The following CD109 variants were observed in gnomAD, a reference collection of about 807,000 sequenced individuals.
CD109 encodes CD109 antigen.
In CD109, 149 loss-of-function variants were observed where a neutral mutation model predicts 165.8. The ratio of observed to expected loss-of-function variants is 0.90; its 90% confidence interval spans 0.79 to 1.03. The LOEUF is 1.03. Among genes scored for constraint, CD109 ranks in the 50% least tolerant of loss-of-function variants. The pLI is 0.00. For synonymous variants in CD109, 585 were observed against 592.1 expected (o/e 0.99, Z 0.18); for missense variants, 1,712 against 1,677.8 (o/e 1.02, Z -0.36).
chr6:73,685,954 T>C, the CD109 span, among the ~76,000 whole-genome samples: 9 of 152,234 alleles, frequency 5.9e-5, no homozygotes, highest in Non-Finnish European at 1.2e-4. Flanking sequence ...CTTGTAGTAC[T>C]ATATGGAGTG....
At chr6:73,685,115 G>C in the CD109 span, among the ~76,000 whole-genome samples, 1 of 151,362 alleles carries the variant, frequency 6.6e-6, no homozygotes, top group Non-Finnish European at 1.5e-5. Context: ...TGTTGGCCAG[G>C]ATGGTCTTGA....
chr6:73,736,420 A>C lies in CD109; in HGVS notation c.545A>C (p.Gln182Pro), dbSNP rs1401125715. The C allele has an allele frequency of 3.7e-6, 6 of 1,613,978 alleles. No individual in the cohort carries two copies. Among genetic ancestry groups the C allele is most frequent in the Non-Finnish European group, 5.1e-6 (6 of 1,179,916 alleles). The change falls in exon 5 of 33, where the codon CAA becomes CCA. Residue 182 changes from glutamine to proline, a missense_variant. By Grantham distance (76) the Gln-to-Pro change is moderately conservative. Transcript: ENST00000287097. ...KSNLIQQWLS[Q>P]QSDLGVISKT... The stretch of plus-strand genomic sequence containing the variant: ...AATTTGATCCAACAGTGGTTGTCAC[A>C]ACAAAGTGATCTTGGAGTCATTTCC...
rs1274432719 is a variant in CD109 at position 73,824,695 on chromosome 6, G to A, written c.*1062G>A. On this transcript the variant is annotated 3_prime_UTR_variant, in exon 33 of 33. Transcript: ENST00000287097. ...TGTCTAGTGACATCTGATGCTTGCT[G>A]TGAACTTTTAAGATCCCCGAATCCT... 6.6e-6 allele frequency: 1 copy of A among 152,150 alleles called. No individual in the cohort carries two copies. Among genetic ancestry groups the A allele is most frequent in the Non-Finnish European group, 1.5e-5 (1 of 68,036 alleles). 9.4% of individuals were successfully genotyped at this position (152,150 alleles called of 1,614,324 possible). A position where few individuals can be genotyped will look rare whatever the true frequency, so the allele number is the denominator to read the frequency against.
In CD109 at chr6:73,803,301, G is replaced by A; in HGVS notation, c.2960G>A (p.Trp987Ter). 6.2e-7 allele frequency: 1 copy of A among 1,610,468 alleles called. No homozygotes were observed. The highest frequency in any genetic ancestry group is 8.5e-7 in the Non-Finnish European group (1 of 1,178,518). ...AATTATGACCCTTCTGGGAGCACTTGGTAAGTGTTTTTGCCAACTGAACAA... is the reference window on the plus strand; with the variant it reads ...AATTATGACCCTTCTGGGAGCACTTAGTAAGTGTTTTTGCCAACTGAACAA... ...FGNYDPSGSTWLSAFVLRCFL... is the reference protein window; with the variant it reads ...FGNYDPSGST Residue 987 changes from tryptophan (W) to a stop codon, truncating the protein, a stop_gained and splice_region_variant, in exon 24 of 33, where the codon TGG (tryptophan) becomes TAG (stop). Transcript: ENST00000287097. LOFTEE classifies it high-confidence loss of function.
chr6:73,777,291 T>C (rs1263793667), intron 15 of CD109, among the ~76,000 whole-genome samples: 6 of 151,950 alleles, frequency 3.9e-5, no homozygotes, highest in African/African-American at 1.5e-4. Flanking sequence ...TTTTTTTTTC[T>C]TGTAAATTTG....
chr6:73,763,320 C>G (rs1358569679), intron 9 of CD109, among the ~76,000 whole-genome samples: 3 of 152,092 alleles, frequency 2.0e-5, no homozygotes, highest in Non-Finnish European at 2.9e-5. Context: ...AAAGACTATT[C>G]TTTCATTGGC....
intron 5 of CD109, among the ~76,000 whole-genome samples, chr6:73,746,793 G>A (rs535338275): frequency 6.6e-6 from 1 of 152,246 alleles, no homozygotes; most frequent in East Asian, 1.9e-4. Flanking sequence ...CTGTCACTAT[G>A]AGTGACTGTC....
At chr6:73,723,411 C>A in intron 3 of CD109, 132 bp downstream of exon 3, 1 of 719,736 alleles carries the variant, frequency 1.4e-6, no homozygotes, top group South Asian at 1.7e-5. Context: ...GAGTTTAGTT[C>A]AGCCTTCAGA....
intron 28 of CD109, among the ~76,000 whole-genome samples, chr6:73,811,660 T>G (rs1238332585): frequency 2.6e-5 from 4 of 152,160 alleles, no homozygotes; most frequent in Non-Finnish European, 5.9e-5. Context: ...GAACCGGTAG[T>G]AGAATTCTTA....
At chr6:73,766,630 A>C in intron 11 of CD109, 129 bp from the exon 12 acceptor site, 1 of 641,924 alleles carries the variant, frequency 1.6e-6, no homozygotes, top group South Asian at 2.0e-5. Context: ...ATGTCTGGTG[A>C]ATGTATTTTT....
Position 73,809,866 on chromosome 6 carries a change from C to T in CD109, c.3356-118C>T, listed in dbSNP as rs561333093. 9.6e-5 allele frequency: 64 copies of T among 668,956 alleles called. No individual in the cohort carries two copies. The African/African-American group carries it at 1.1e-3, about 12-fold the overall frequency. The allele number at this position is 668,956 out of a possible 1,614,324, so 41.4% of individuals were successfully genotyped here. ...TCTGGCATAAATAAATACATGTATA[C>T]AAGTATATATTTTTTATGCTAGTTA... On this transcript the variant is annotated intron_variant, in intron 26 of 32. Coordinates refer to ENST00000287097, the MANE Select transcript of CD109 (RefSeq NM_133493.5).
the CD109 span, among the ~76,000 whole-genome samples, chr6:73,682,872 G>A: frequency 6.6e-6 from 1 of 152,226 alleles, no homozygotes; most frequent in Non-Finnish European, 1.5e-5. Context: ...CACGGCCCGA[G>A]CTCTACATTG....
the CD109 span, among the ~76,000 whole-genome samples, chr6:73,688,631 C>A: frequency 6.6e-6 from 1 of 151,974 alleles, no homozygotes; most frequent in South Asian, 2.1e-4. Context: ...TGATTAGAAG[C>A]CTGGAACTTC....
chr6:73,745,286 G>A (rs910500278), intron 5 of CD109, among the ~76,000 whole-genome samples: 6 of 152,144 alleles, frequency 3.9e-5, no homozygotes, highest in African/African-American at 1.4e-4. Flanking sequence ...TGTATTTTTA[G>A]TAGAGACAGG....
chr6:73,730,852 G>A (rs1191751317), intron 4 of CD109, among the ~76,000 whole-genome samples: 2 of 152,164 alleles, frequency 1.3e-5, no homozygotes, highest in East Asian at 1.9e-4. Context: ...CAGGCACAGC[G>A]ATAGGGCAGT....
chr6:73,728,363 G>T (rs191771120), intron 3 of CD109, among the ~76,000 whole-genome samples: 12 of 152,164 alleles, frequency 7.9e-5, no homozygotes, highest in African/African-American at 2.9e-4. Flanking sequence ...AGCAAAAATT[G>T]ACACCAGAAG....
Position 73,787,390 on chromosome 6 carries a change from ATCACAG to A in CD109, c.2501_2506del (p.Val834_Thr835del). ...GCCAACACATCTGGGAGAAATTCCT[ATCACAG>A]TCACAGCTCTTTCACCCACTGCTTC... is the stretch of plus-strand genomic sequence containing the variant. On this transcript the variant is annotated inframe_deletion, in exon 21 of 33. Transcript: ENST00000287097. 1 of 1,614,116 alleles carries A rather than the reference ATCACAG, an allele frequency of 6.2e-7. No homozygotes were observed. The highest frequency in any genetic ancestry group is 8.5e-7 in the Non-Finnish European group (1 of 1,179,982).
intron 24 of CD109, among the ~76,000 whole-genome samples, chr6:73,804,821 AATTT>A (rs1289295105): frequency 6.6e-6 from 1 of 152,230 alleles, no homozygotes; most frequent in East Asian, 1.9e-4. Context: ...AACCTTGGAC[AATTT>A]ATTTAACTCT....
chr6:73,771,796 A>G (rs1322969584), intron 15 of CD109, among the ~76,000 whole-genome samples: 1 of 152,224 alleles, frequency 6.6e-6, no homozygotes, highest in East Asian at 1.9e-4. Flanking sequence ...CTCTTTCATC[A>G]GAATTATCAC....
Sources: allele counts gnomAD v4.1 joint callset (sites outside exome capture counted in the v4.1 genomes callset), GRCh38; gene constraint gnomAD v4.1.1; transcripts MANE v1.5; gene names NCBI Gene and HGNC (gene_info 2026-07-23, HGNC 2026-07-21).